Variants in TPH2 observed in about 807,000 individuals in gnomAD.
The protein encoded by TPH2 is tryptophan hydroxylase 2.
A neutral mutation model predicts 59.1 loss-of-function variants in TPH2; 27 were observed. That is an observed-to-expected ratio of 0.46 (90% CI 0.34 to 0.63). The LOEUF is 0.63. TPH2 is among the 30% of genes least tolerant of loss of function. TPH2 has a pLI of 0.01. For missense variants in TPH2, 523 were observed against 588.3 expected (o/e 0.89, Z 1.15); for synonymous variants, 220 against 210.5 (o/e 1.05, Z -0.39).
At chr12:71,939,940 C>T (rs746423109) in intron 1 of TPH2, among the ~76,000 whole-genome samples, 32 of 152,094 alleles carry the variant, frequency 2.1e-4, no homozygotes, top group Non-Finnish European at 3.2e-4. Context: ...GTTTTAATTT[C>T]GTAGCTCCAA....
intron 8 of TPH2, among the ~76,000 whole-genome samples, chr12:72,020,869 A>G (rs1873392565): frequency 6.6e-6 from 1 of 152,148 alleles, no homozygotes. Context: ...TGACCTGGAA[A>G]TGATCAGTCC....
chr12:71,984,033 C>T (rs1872362822), intron 7 of TPH2, among the ~76,000 whole-genome samples: 1 of 152,160 alleles, frequency 6.6e-6, no homozygotes. Flanking sequence ...CCATTCCACA[C>T]ATCTCTTCTT....
chr12:71,947,940 A>G (rs954347567), intron 4 of TPH2, among the ~76,000 whole-genome samples: 1 of 152,156 alleles, frequency 6.6e-6, no homozygotes, highest in Non-Finnish European at 1.5e-5. Flanking sequence ...CGGGGAACAG[A>G]TGCTGTGCTT....
intron 5 of TPH2, chr12:71,961,864 A>C (rs998429730): frequency 5.5e-5 from 62 of 1,133,696 alleles, no homozygotes; most frequent in Non-Finnish European, 6.6e-5. Flanking sequence ...CCTTAGGTGC[A>C]GTAGTTTATT....
intron 8 of TPH2, among the ~76,000 whole-genome samples, chr12:72,013,114 C>T (rs779283431): frequency 2.6e-5 from 4 of 151,986 alleles, no homozygotes; most frequent in Non-Finnish European, 5.9e-5. Context: ...TTTTCTTCCA[C>T]GGATGTCCCT....
chr12:71,958,555 C>A (rs890471653), intron 5 of TPH2, among the ~76,000 whole-genome samples: 15 of 152,198 alleles, frequency 9.9e-5, no homozygotes, highest in Non-Finnish European at 2.1e-4. Flanking sequence ...ACACTGCAAA[C>A]CTGTTTCTCG....
chr12:72,016,782 C>A (rs1372902548), intron 8 of TPH2, among the ~76,000 whole-genome samples: 1 of 152,102 alleles, frequency 6.6e-6, no homozygotes, highest in Non-Finnish European at 1.5e-5. Context: ...GAATTTATTT[C>A]TTAAATGATG....
intron 8 of TPH2, among the ~76,000 whole-genome samples, chr12:72,010,037 T>C (rs952618770): frequency 3.9e-5 from 6 of 152,204 alleles, no homozygotes; most frequent in African/African-American, 1.4e-4. Context: ...TAATAAAACT[T>C]CAATAAGTAG....
chr12:71,944,818 A>G (rs1413486252), intron 4 of TPH2, 132 bp downstream of exon 4: 1 of 887,984 alleles, frequency 1.1e-6, no homozygotes, highest in East Asian at 2.6e-5. Context: ...AACTGAGAGC[A>G]GACTTCCAAA....
At position 71,961,692 on chromosome 12, in the gene TPH2, A is replaced by C. The variant is rs537138270; in HGVS notation, c.609-10827A>C. On this transcript the variant is annotated intron_variant, in intron 5 of 10. Coordinates refer to ENST00000333850, the MANE Select transcript of TPH2 (RefSeq NM_173353.4). ...TAGATCCATTGTTGTTGCTGTTGAT[A>C]TTTAATTTCATGATAGTTTTTGCAG... 98 of 1,350,186 alleles carry C rather than the reference A, an allele frequency of 7.3e-5. No individual in the cohort carries two copies. The South Asian group carries it at 1.0e-3, about 14-fold the overall frequency. The allele number at this position is 1,350,186 out of a possible 1,614,324, so 83.6% of individuals were successfully genotyped here.
rs902025135 is a variant in TPH2, at chr12:72,017,664, A to AT, written c.1069-4728dup. Among the ~76,000 whole-genome samples, 17 of 152,112 alleles carry AT rather than the reference A, an allele frequency of 1.1e-4. No individual in the cohort carries two copies. In the South Asian group the frequency reaches 1.9e-3, roughly 17 times the overall value. Reference sequence around the variant, plus strand: ...TTCTTACAAGTCTCAGCATATTTTTATTTTTTTGTTTTCTTGATAATAGGT... The same window carrying AT: ...TTCTTACAAGTCTCAGCATATTTTTATTTTTTTTGTTTTCTTGATAATAGGT... On this transcript the variant is annotated intron_variant, in intron 8 of 10. Transcript: ENST00000333850.
intron 5 of TPH2, among the ~76,000 whole-genome samples, chr12:71,951,833 C>A (rs1871358041): frequency 6.6e-6 from 1 of 151,984 alleles, no homozygotes; most frequent in Non-Finnish European, 1.5e-5. Context: ...CAAGACCAGC[C>A]TGACCAACAT....
At chr12:72,022,555 A>G in intron 9 of TPH2, 61 bp downstream of exon 9, 1 of 1,241,578 alleles carries the variant, frequency 8.1e-7, no homozygotes, top group Non-Finnish European at 1.2e-6. Context: ...CAGGGAAAAT[A>G]TTGATTTGTT....
chr12:71,979,236 C>T, intron 7 of TPH2, 149 bp downstream of exon 7: 1 of 1,244,964 alleles, frequency 8.0e-7, no homozygotes, highest in South Asian at 1.3e-5. Flanking sequence ...GAAAAGGGCT[C>T]ACTGAAGGAT....
rs1871406618 is a variant in TPH2 at position 71,953,400 on chromosome 12, T to C, written c.608+3745T>C. On this transcript the variant is annotated intron_variant, in intron 5 of 10. Coordinates refer to ENST00000333850, the MANE Select transcript of TPH2 (RefSeq NM_173353.4). Reference sequence around the variant, plus strand: ...AGAGAGACAGTCCTGTGTGTCACTTTTGGGCTCTTGTGCCTGCCATGGTGC... The same window carrying C: ...AGAGAGACAGTCCTGTGTGTCACTTCTGGGCTCTTGTGCCTGCCATGGTGC... Among the ~76,000 whole-genome samples, 3 of 152,104 alleles carry C rather than the reference T, an allele frequency of 2.0e-5. No homozygotes were observed. In the South Asian group the frequency reaches 6.2e-4, roughly 32 times the overall value.
intron 5 of TPH2, chr12:71,965,198 A>G (rs963974682): frequency 1.3e-5 from 2 of 152,118 alleles, no homozygotes; most frequent in African/African-American, 4.8e-5. Flanking sequence ...ATGGACATGT[A>G]GGTTGATTCT....
chr12:72,012,834 G>A (rs1029673985), intron 8 of TPH2, among the ~76,000 whole-genome samples: 1 of 152,002 alleles, frequency 6.6e-6, no homozygotes, highest in African/African-American at 2.4e-5. Flanking sequence ...ACCATTAAAG[G>A]CTGGTATAGG....
intron 4 of TPH2, among the ~76,000 whole-genome samples, chr12:71,945,107 G>T (rs901045113): frequency 1.3e-5 from 2 of 152,154 alleles, no homozygotes; most frequent in African/African-American, 4.8e-5. Flanking sequence ...TTGACTGGAG[G>T]TAGTTAGGAG....
chr12:71,988,626 T>G, intron 7 of TPH2, among the ~76,000 whole-genome samples: 1 of 152,170 alleles, frequency 6.6e-6, no homozygotes, highest in East Asian at 1.9e-4. Flanking sequence ...ACCCCCGTGA[T>G]CCAGTCACCT....
Sources: allele counts gnomAD v4.1 joint callset (sites outside exome capture counted in the v4.1 genomes callset), GRCh38; gene constraint gnomAD v4.1.1; transcripts MANE v1.5; gene names NCBI Gene and HGNC (gene_info 2026-07-23, HGNC 2026-07-21).